The following ERLIN2 variants were observed in gnomAD, a reference collection of about 807,000 sequenced individuals.
The protein encoded by ERLIN2 is ER lipid raft associated 2.
Under a neutral mutation model 41.5 loss-of-function variants are expected in ERLIN2, and 22 were observed. That is an observed-to-expected ratio of 0.53 (90% CI 0.38 to 0.76). ERLIN2 has a LOEUF of 0.76. Ranked by LOEUF, ERLIN2 falls within the 30% of genes least tolerant of loss-of-function variation. The pLI is 0.00. For synonymous variants in ERLIN2, 149 were observed against 150.9 expected, an observed-to-expected ratio of 0.99 and a Z score of 0.09; for missense variants, 247 against 414.3, an observed-to-expected ratio of 0.60 and a Z score of 3.51.
At position 37,749,792 on chromosome 8, in the gene ERLIN2, A is replaced by C; in HGVS notation, c.499-2A>C. On this transcript the variant is annotated splice_acceptor_variant, in intron 7 of 11. Coordinates refer to ENST00000519638, the MANE Select transcript of ERLIN2 (RefSeq NM_007175.8). LOFTEE classifies it high-confidence loss of function. Reference sequence around the variant, plus strand: ...TCAGCTGCTGTTTTAATCTCTCTCCAGGCTGTGCGGGTAACAAAGCCCAAC... The same window carrying C: ...TCAGCTGCTGTTTTAATCTCTCTCCCGGCTGTGCGGGTAACAAAGCCCAAC... The C allele has an allele frequency of 6.2e-7, 1 of 1,613,998 alleles. No individual in the cohort carries two copies. Among genetic ancestry groups the C allele is most frequent in the Non-Finnish European group, 8.5e-7 (1 of 1,179,906 alleles).
At chr8:37,742,333 C>T in intron 4 of ERLIN2, among the ~76,000 whole-genome samples, 1 of 146,554 alleles carries the variant, frequency 6.8e-6, no homozygotes, top group Non-Finnish European at 1.5e-5. Flanking sequence ...GAGTGAGACT[C>T]CGTCTTTAAA....
chr8:37,747,689 G>T (rs1001606083), intron 6 of ERLIN2: 11 of 1,590,194 alleles, frequency 6.9e-6, no homozygotes, highest in Non-Finnish European at 9.5e-6. Context: ...GCATTCTTCG[G>T]CTGGGATTGG....
intron 6 of ERLIN2, chr8:37,747,705 GAGC>G: frequency 6.3e-7 from 1 of 1,578,604 alleles, no homozygotes; most frequent in Non-Finnish European, 8.7e-7. Flanking sequence ...ATTGGTAGAA[GAGC>G]AGCAGTCCAC....
chr8:37,746,466 C>T, intron 6 of ERLIN2: 2 of 984,256 alleles, frequency 2.0e-6, no homozygotes, highest in Non-Finnish European at 1.2e-6. Context: ...ATAGTTATCA[C>T]TGAAGCAGTG....
At chr8:37,753,365 CAG>C (rs1010128848) in intron 10 of ERLIN2, 83 bp from the exon 11 acceptor site, 1 of 1,142,688 alleles carries the variant, frequency 8.8e-7, no homozygotes, top group African/African-American at 1.5e-5. Context: ...GGGACCAGAA[CAG>C]AGTCTTCCCA....
Position 37,749,434 on chromosome 8 carries a change from T to C in ERLIN2, c.425-125T>C, listed in dbSNP as rs1458655426. 3 of 754,228 alleles carry C rather than the reference T, an allele frequency of 4.0e-6. No individual in the cohort carries two copies. In the African/African-American group the frequency reaches 5.1e-5, roughly 13 times the overall value. The allele number at this position is 754,228 out of a possible 1,614,324, so 46.7% of individuals were successfully genotyped here. ...GGATCTTTAGATTTGTGGGCTTTGA[T>C]AAGCACACTCCCTTGGGAAAGTACA... On this transcript the variant is annotated intron_variant, in intron 6 of 11. Transcript: ENST00000519638.
chr8:37,755,569 A>ACC lies in ERLIN2; in HGVS notation c.*1465_*1466dup, dbSNP rs1305006911. On this transcript the variant is annotated 3_prime_UTR_variant, in exon 12 of 12. Coordinates refer to ENST00000519638, the MANE Select transcript of ERLIN2 (RefSeq NM_007175.8). ...AGCTGACCCCCACCCCCCACCCCCC[A>ACC]CCCCCCCCCCCCGCCAACTCCTATA... 3.5e-5 allele frequency: 2 copies of ACC among 57,608 alleles called. No homozygotes were observed. The highest frequency in any genetic ancestry group is 2.0e-3 in the South Asian group (2 of 1,012). The allele number at this position is 57,608 out of a possible 1,614,324, so 3.6% of individuals were successfully genotyped here.
intron 2 of ERLIN2, among the ~76,000 whole-genome samples, chr8:37,739,812 C>CTT (rs1219288019): frequency 7.1e-6 from 1 of 141,708 alleles, no homozygotes; most frequent in African/African-American, 2.6e-5. Flanking sequence ...CTGTCTTTTT[C>CTT]TTTTTTTTTT....
In ERLIN2 at chr8:37,754,146, T is replaced by G; in HGVS notation, c.*31T>G. On this transcript the variant is annotated 3_prime_UTR_variant, in exon 12 of 12. Transcript: ENST00000519638. ...ACTTGATATGACTGCAAATGATACT[T>G]AAGCAGATCTTTATTTTTTAAGATG... is the stretch of plus-strand genomic sequence containing the variant. 5 of 1,451,442 alleles carry G rather than the reference T, an allele frequency of 3.4e-6. No individual in the cohort carries two copies. Among genetic ancestry groups the G allele is most frequent in the Non-Finnish European group, 4.8e-6 (5 of 1,034,482 alleles). The allele number at this position is 1,451,442 out of a possible 1,614,324, so 89.9% of individuals were successfully genotyped here. A position where few individuals can be genotyped will look rare whatever the true frequency, so the allele number is the denominator to read the frequency against.
At chr8:37,750,001 G>T in intron 8 of ERLIN2, 149 bp downstream of exon 8, 1 of 747,878 alleles carries the variant, frequency 1.3e-6, no homozygotes, top group Non-Finnish European at 2.4e-6. Context: ...AGATTGGGCA[G>T]GCGTGTCAGG....
Position 37,756,659 on chromosome 8 carries a change from T to C in ERLIN2, c.*2544T>C, listed in dbSNP as rs1803365320. ...AAATCATGAAAATCAGCTGTTTTATTTGCATAGGACAACTAACCTGTCTGT... is the reference window on the plus strand; with the variant it reads ...AAATCATGAAAATCAGCTGTTTTATCTGCATAGGACAACTAACCTGTCTGT... On this transcript the variant is annotated 3_prime_UTR_variant, in exon 12 of 12. Transcript: ENST00000519638. 6.6e-6 allele frequency: 1 copy of C among 152,660 alleles called. No homozygotes were observed. Among genetic ancestry groups the C allele is most frequent in the Non-Finnish European group, 1.5e-5 (1 of 68,048 alleles). 9.5% of individuals were successfully genotyped at this position (152,660 alleles called of 1,614,324 possible). A position where few individuals can be genotyped will look rare whatever the true frequency, so the allele number is the denominator to read the frequency against.
rs1395175326 is a variant in ERLIN2, at chr8:37,754,035, A to G, written c.940A>G (p.Lys314Glu). 1 of 1,614,032 alleles carries G rather than the reference A, an allele frequency of 6.2e-7. No individual in the cohort carries two copies. Among genetic ancestry groups the G allele is most frequent in the Non-Finnish European group, 8.5e-7 (1 of 1,179,992 alleles). The change falls in exon 12 of 12, where the codon AAG becomes GAG. Residue 314 changes from lysine (K) to glutamate (E), a missense_variant. Around this residue, in one of 3 missense-constraint regions of ERLIN2, gnomAD observed 153 missense variants for 256.4 expected, o/e 0.60. Coordinates refer to ENST00000519638, the MANE Select transcript of ERLIN2 (RefSeq NM_007175.8). The stretch of plus-strand genomic sequence containing the variant: ...CATGGACTCTGCGGGCAGTGTGAGC[A>G]AGCAGTTTGAGGGGCTAGCTGACAA... ...MFMDSAGSVS[K>E]QFEGLADKLS...
chr8:37,751,048 T>G (rs1215369516), intron 9 of ERLIN2, among the ~76,000 whole-genome samples: 5 of 152,210 alleles, frequency 3.3e-5, no homozygotes, highest in Admixed American at 3.3e-4. Context: ...TGGCTAATAC[T>G]TAATTAAGCA....
chr8:37,737,933 T>G lies in ERLIN2; in HGVS notation c.11T>G (p.Leu4Trp). The change falls in exon 2 of 12, where the codon TTG (leucine) becomes TGG (tryptophan). Residue 4 changes from leucine (L) to tryptophan (W), a missense_variant. By Grantham distance (61) the Leu-to-Trp change is moderately conservative. Coordinates refer to ENST00000519638, the MANE Select transcript of ERLIN2 (RefSeq NM_007175.8). MAQ[L>W]GAVVAVASSF... ...GATAAAGGCTCACTGATGGCTCAGT[T>G]GGGAGCAGTTGTGGCTGTGGCTTCC... 1 of 1,614,236 alleles carries G rather than the reference T, an allele frequency of 6.2e-7. No individual in the cohort carries two copies. Among genetic ancestry groups the G allele is most frequent in the Non-Finnish European group, 8.5e-7 (1 of 1,180,044 alleles).
In ERLIN2 at chr8:37,754,335, A is replaced by G. The variant is rs191173958; in HGVS notation, c.*220A>G. On this transcript the variant is annotated 3_prime_UTR_variant, in exon 12 of 12. Transcript: ENST00000519638. ...AGGTAAGCAGTTTATATGACTTCCA[A>G]TAAGATTTGTAAATCATGGGCTTGA... 5 of 558,600 alleles carry G rather than the reference A, an allele frequency of 9.0e-6. No homozygotes were observed. The East Asian group carries it at 9.5e-5, about 11-fold the overall frequency. The allele number at this position is 558,600 out of a possible 1,614,324, so 34.6% of individuals were successfully genotyped here. A position where few individuals can be genotyped will look rare whatever the true frequency, so the allele number is the denominator to read the frequency against.
At position 37,741,154 on chromosome 8, in the gene ERLIN2, T is replaced by C. The variant is rs762505346; in HGVS notation, c.190-618T>C. ...GAGACAGGTTAAATAGGTAATCTGC[T>C]GTTTCAAAACTAGTACAACAGCCCT... is the stretch of plus-strand genomic sequence containing the variant. On this transcript the variant is annotated intron_variant, in intron 3 of 11. Coordinates refer to ENST00000519638, the MANE Select transcript of ERLIN2 (RefSeq NM_007175.8). This position sits in a 1 kb window ranked among gnomAD's most constrained non-coding sequence, Gnocchi z 4.8. 9.2e-5 allele frequency among the ~76,000 whole-genome samples: 14 copies of C among 152,194 alleles called. No homozygotes were observed. The highest frequency in any genetic ancestry group is 1.3e-4 in the Non-Finnish European group (9 of 68,040).
At chr8:37,744,518 G>C in intron 5 of ERLIN2, 53 bp from the exon 6 acceptor site, 1 of 1,613,512 alleles carries the variant, frequency 6.2e-7, no homozygotes, top group Non-Finnish European at 8.5e-7. Context: ...CCGTGTCTGA[G>C]GGCATTTTGA....
intron 3 of ERLIN2, 30 bp downstream of exon 3, chr8:37,740,476 C>T (rs200307322): frequency 2.1e-5 from 33 of 1,548,102 alleles, no homozygotes; most frequent in African/African-American, 4.1e-5. Context: ...TATGGCTGGA[C>T]GACTGCAAAC....
Position 37,751,735 on chromosome 8 carries a change from A to G in ERLIN2, c.739+20A>G. The G allele has an allele frequency of 6.3e-7, 1 of 1,586,106 alleles. No homozygotes were observed. The highest frequency in any genetic ancestry group is 8.7e-7 in the Non-Finnish European group (1 of 1,154,888). On this transcript the variant is annotated intron_variant, in intron 10 of 11. Coordinates refer to ENST00000519638, the MANE Select transcript of ERLIN2 (RefSeq NM_007175.8). ...TTGAAGGTAAGCAGAAGTGGCAGTC[A>G]TGCCTGAGTCCTCCTCAGACCCCGC...
Sources: gnomAD v4.1 joint callset for allele counts (sites outside exome capture counted in the v4.1 genomes callset) on GRCh38, gnomAD v4.1.1 for gene constraint, gnomAD v4.1.1 regional missense constraint, Gnocchi (gnomAD v3.1) non-coding constraint, MANE v1.5 for transcripts, NCBI Gene and HGNC (gene_info 2026-07-23, HGNC 2026-07-21) for gene names.